PRPH2: variants seen among roughly 807,000 people sequenced by gnomAD.
PRPH2 encodes the protein peripherin-2.
A neutral mutation model predicts 31.3 loss-of-function variants in PRPH2; 17 were observed. The observed-to-expected ratio is 0.54, with a 90% CI of 0.37 to 0.81. The LOEUF (loss-of-function observed/expected upper bound fraction) is 0.81. PRPH2 is among the 40% of genes least tolerant of loss of function. The pLI is 0.00. For missense variants in PRPH2, 430 were observed against 439.7 expected, an observed-to-expected ratio of 0.98 and a Z score of 0.20; for synonymous variants, 165 against 184.4, an observed-to-expected ratio of 0.89 and a Z score of 0.85.
chr6:42,700,260 C>T (rs975195377), intron 2 of PRPH2, among the ~76,000 whole-genome samples: 1 of 152,226 alleles, frequency 6.6e-6, no homozygotes, highest in African/African-American at 2.4e-5. Context: ...GCCACCACAC[C>T]CTGTTTTCAT....
intron 1 of PRPH2, 46 bp downstream of exon 1, chr6:42,721,708 C>A: frequency 6.2e-7 from 1 of 1,607,204 alleles, no homozygotes; most frequent in South Asian, 1.1e-5. Context: ...GCCTCAGTGT[C>A]CCCAATATAT....
At chr6:42,716,249 G>GA (rs1225372886) in intron 1 of PRPH2, among the ~76,000 whole-genome samples, 1 of 152,054 alleles carries the variant, frequency 6.6e-6, no homozygotes, top group Non-Finnish European at 1.5e-5. Context: ...ATTTGATGGG[G>GA]AGAGGGGAAA....
intron 2 of PRPH2, among the ~76,000 whole-genome samples, chr6:42,702,561 A>G (rs1256638155): frequency 6.6e-6 from 1 of 151,474 alleles, no homozygotes; most frequent in Non-Finnish European, 1.5e-5. Flanking sequence ...GCATATGGGT[A>G]CATGTTTAAG....
At chr6:42,711,864 C>T (rs1761650567) in intron 1 of PRPH2, 24 of 985,420 alleles carry the variant, frequency 2.4e-5, no homozygotes, top group Non-Finnish European at 2.8e-5. Context: ...CTGGTAGTTC[C>T]TGGTTCCAAA....
intron 1 of PRPH2, among the ~76,000 whole-genome samples, chr6:42,706,530 G>A (rs1219465911): frequency 4.0e-5 from 6 of 150,820 alleles, no homozygotes; most frequent in Admixed American, 1.3e-4. Flanking sequence ...ACTTGAGCCC[G>A]AGACGCAGAG....
intron 1 of PRPH2, among the ~76,000 whole-genome samples, chr6:42,714,880 A>G (rs1761744175): frequency 6.6e-6 from 1 of 152,066 alleles, no homozygotes; most frequent in Non-Finnish European, 1.5e-5. Context: ...CATGTCCCTT[A>G]ACCTCTTGGG....
In PRPH2 at chr6:42,699,684, C is replaced by T. The variant is rs190259340; in HGVS notation, c.829-1177G>A. Among the ~76,000 whole-genome samples, 87 of 152,194 alleles carry T rather than the reference C, an allele frequency of 5.7e-4. 2 individuals are homozygous for T. The East Asian group carries it at 8.5e-3, about 15-fold the overall frequency. On this transcript the variant is annotated intron_variant, in intron 2 of 2. Transcript: ENST00000230381. The stretch of plus-strand genomic sequence containing the variant: ...GGAGGATTGCTTGAGCTCAGGAGTT[C>T]GAGACCAGCCTGGGCAACATAGCGA...
At chr6:42,720,769 G>C (rs919287610) in intron 1 of PRPH2, among the ~76,000 whole-genome samples, 7 of 152,172 alleles carry the variant, frequency 4.6e-5, no homozygotes, top group Non-Finnish European at 8.8e-5. Flanking sequence ...GGTCGAGTCA[G>C]ACAGAAAGAA....
At chr6:42,714,817 C>T (rs778437183) in intron 1 of PRPH2, among the ~76,000 whole-genome samples, 3 of 152,200 alleles carry the variant, frequency 2.0e-5, no homozygotes, top group East Asian at 1.9e-4. Context: ...CACATGTGGC[C>T]GAAGCTGATT....
In PRPH2 at chr6:42,722,107, C is replaced by T. The variant is rs371990988; in HGVS notation, c.228G>A (p.Ser76=). 1.7e-5 allele frequency: 27 copies of T among 1,614,000 alleles called. No individual in the cohort carries two copies. The highest frequency in any genetic ancestry group is 3.3e-4 in the Middle Eastern group (2 of 6,084). Residue 76 remains serine (S), a synonymous_variant, in exon 1 of 3, where the codon TCG becomes TCA. Transcript: ENST00000230381. This position sits in a 1 kb window ranked among gnomAD's most constrained non-coding sequence, Gnocchi z 4.4. ...CGTCGTAGCAGATCTTCCCAGCCAG[C>T]GAGTTGAAGACACAGGATAGCACCC... ...GMGVLSCVFN[S]LAGKICYDAL...
intron 1 of PRPH2, chr6:42,712,057 C>T (rs1271258676): frequency 4.0e-6 from 3 of 748,292 alleles, no homozygotes; most frequent in Non-Finnish European, 4.9e-6. Flanking sequence ...CCTGATCCAA[C>T]CATACCTCGA....
rs773342762 is a variant in PRPH2, at chr6:42,698,318, C to A, written c.1018G>T (p.Gly340Cys). ...NQVEAEGADA[G>C]QAPEAG is the part of the protein sequence containing the mutation. ...CCTCAGCCAGCCTCTGGGGCCTGGC[C>A]TGCGTCTGCGCCCTCGGCTTCCACC... Residue 340 changes from glycine (G) to cysteine (C), a missense_variant, in exon 3 of 3, where the codon GGC becomes TGC. By Grantham distance (159) the Gly-to-Cys change is radical (BLOSUM62 -3). Transcript: ENST00000230381. 6.2e-7 allele frequency: 1 copy of A among 1,613,292 alleles called. No homozygotes were observed. The highest frequency in any genetic ancestry group is 1.7e-5 in the Admixed American group (1 of 59,992).
intron 1 of PRPH2, among the ~76,000 whole-genome samples, chr6:42,719,334 C>T (rs1023703104): frequency 6.6e-6 from 1 of 151,688 alleles, no homozygotes; most frequent in Non-Finnish European, 1.5e-5. Flanking sequence ...GCCACCACAC[C>T]CAGCTAATTT....
intron 1 of PRPH2, among the ~76,000 whole-genome samples, chr6:42,708,080 G>A (rs902395104): frequency 4.6e-5 from 7 of 152,192 alleles, no homozygotes; most frequent in African/African-American, 1.7e-4. Flanking sequence ...ACCTCACTGG[G>A]CAGGTGGCCG....
chr6:42,704,979 G>C (rs1175499410), intron 1 of PRPH2, among the ~76,000 whole-genome samples: 1 of 152,206 alleles, frequency 6.6e-6, no homozygotes, highest in Non-Finnish European at 1.5e-5. Context: ...GCTGCCACTG[G>C]TGATGCCCAC....
chr6:42,721,159 GT>G (rs1006671458), intron 1 of PRPH2, among the ~76,000 whole-genome samples: 2 of 152,150 alleles, frequency 1.3e-5, no homozygotes, highest in Non-Finnish European at 2.9e-5. Context: ...AAAGCGCAGA[GT>G]GACTAGTGAC....
intron 1 of PRPH2, among the ~76,000 whole-genome samples, chr6:42,713,764 A>G (rs1438309171): frequency 6.6e-6 from 1 of 151,746 alleles, no homozygotes; most frequent in Non-Finnish European, 1.5e-5. Context: ...CTAGAAAATT[A>G]CAAAAATTAG....
intron 1 of PRPH2, among the ~76,000 whole-genome samples, chr6:42,718,893 G>A (rs573638952): frequency 1.6e-4 from 25 of 152,050 alleles, no homozygotes; most frequent in African/African-American, 6.0e-4. Flanking sequence ...TTGAACTCCT[G>A]AGCTCAAGTG....
In PRPH2 at chr6:42,706,340, G is replaced by A. The variant is rs976518658; in HGVS notation, c.582-1729C>T. Among the ~76,000 whole-genome samples the A allele has an allele frequency of 3.9e-5, 6 of 152,062 alleles. No homozygotes were observed. The South Asian group carries it at 1.2e-3, about 32-fold the overall frequency. ...GAATGGCGTGAACCCAGGGGGCGGA[G>A]CTTGCAGTGAGCCGAGATCACGCCA... On this transcript the variant is annotated intron_variant, in intron 1 of 2. Coordinates refer to ENST00000230381, the MANE Select transcript of PRPH2 (RefSeq NM_000322.5).
Sources: allele counts gnomAD v4.1 joint callset (sites outside exome capture counted in the v4.1 genomes callset), GRCh38; gene constraint gnomAD v4.1.1; non-coding constraint Gnocchi (gnomAD v3.1); transcripts MANE v1.5; gene names NCBI Gene and HGNC (gene_info 2026-07-23, HGNC 2026-07-21).